The following KPNA2 variants were observed in gnomAD, a reference collection of about 807,000 sequenced individuals.
KPNA2 encodes the protein karyopherin subunit alpha 2, also known as importin subunit alpha-1.
A neutral mutation model predicts 53.7 loss-of-function variants in KPNA2; 20 were observed. The ratio of observed to expected loss-of-function variants is 0.37; its 90% confidence interval spans 0.26 to 0.54. The LOEUF is 0.54. KPNA2 is among the 20% of genes least tolerant of loss of function. The pLI is 0.83. For synonymous variants in KPNA2, 238 were observed against 227.5 expected, an observed-to-expected ratio of 1.05 and a Z score of -0.42; for missense variants, 515 against 640.3, an observed-to-expected ratio of 0.80 and a Z score of 2.11.
At chr17:68,041,598 C>G (rs1447040841) in intron 4 of KPNA2, among the ~76,000 whole-genome samples, 2 of 152,122 alleles carry the variant, frequency 1.3e-5, no homozygotes, top group Non-Finnish European at 2.9e-5. Flanking sequence ...TGGCGGTGCA[C>G]ACTTGTCGTC....
Position 68,043,008 on chromosome 17 carries a change from C to T in KPNA2, c.666+9C>T. On this transcript the variant is annotated intron_variant, in intron 6 of 10. Transcript: ENST00000330459. The stretch of plus-strand genomic sequence containing the variant: ...ATATGTCATCTTTAGCAGTAAGTTA[C>T]TAACATGAGTAAAGTTACTCACTTC... 6.2e-7 allele frequency: 1 copy of T among 1,610,842 alleles called. No individual in the cohort carries two copies. Among genetic ancestry groups the T allele is most frequent in the Non-Finnish European group, 8.5e-7 (1 of 1,177,226 alleles).
rs1555704474 is a variant in KPNA2 at position 68,040,786 on chromosome 17, G to A, written c.302+20G>A. 3 of 1,457,646 alleles carry A rather than the reference G, an allele frequency of 2.1e-6. No individual in the cohort carries two copies. Among genetic ancestry groups the A allele is most frequent in the South Asian group, 2.3e-5 (2 of 88,092 alleles). 90.3% of individuals were successfully genotyped at this position (1,457,646 alleles called of 1,614,324 possible). The stretch of plus-strand genomic sequence containing the variant: ...TGCCAGGTAAGTCTTGTCTGCGATA[G>A]CATGGGTAGCCTAAGAAATTTGTGT... On this transcript the variant is annotated intron_variant, in intron 4 of 10. Coordinates refer to ENST00000330459, the MANE Select transcript of KPNA2 (RefSeq NM_002266.4).
intron 4 of KPNA2, among the ~76,000 whole-genome samples, chr17:68,041,256 T>C (rs1555704538): frequency 6.6e-6 from 1 of 152,232 alleles, no homozygotes; most frequent in East Asian, 1.9e-4. Context: ...AAAATTTCAA[T>C]GGTAAATTAT....
intron 3 of KPNA2, among the ~76,000 whole-genome samples, chr17:68,038,048 C>T (rs1328043839): frequency 2.6e-5 from 4 of 152,192 alleles, no homozygotes; most frequent in African/African-American, 9.7e-5. Flanking sequence ...GCGATCTCCG[C>T]TCACTGCAAG....
rs554471695 is a variant in KPNA2 at position 68,045,090 on chromosome 17, TAAAA to T, written c.1347+603_1347+606del. Among the ~76,000 whole-genome samples, 1,246 of 130,390 alleles carry T rather than the reference TAAAA, an allele frequency of 9.6e-3. 15 individuals carry two copies. Among genetic ancestry groups the T allele is most frequent in the African/African-American group, 0.034 (1,183 of 35,032 alleles). 85.5% of individuals were successfully genotyped at this position (130,390 alleles called of 152,430 possible). ...AGCTTGGGCAAGAGTGAAACTGTCTTAAAAAAAAAAAAAAAAAAAGTTGAGCCTT... is the reference window on the plus strand; with the variant it reads ...AGCTTGGGCAAGAGTGAAACTGTCTTAAAAAAAAAAAAAAAGTTGAGCCTT... On this transcript the variant is annotated intron_variant, in intron 9 of 10. Transcript: ENST00000330459.
rs554471695 is a variant in KPNA2 at position 68,045,090 on chromosome 17, T to TAA, written c.1347+605_1347+606dup. On this transcript the variant is annotated intron_variant, in intron 9 of 10. Coordinates refer to ENST00000330459, the MANE Select transcript of KPNA2 (RefSeq NM_002266.4). ...AGCTTGGGCAAGAGTGAAACTGTCTTAAAAAAAAAAAAAAAAAAAGTTGAG... is the reference window on the plus strand; with the variant it reads ...AGCTTGGGCAAGAGTGAAACTGTCTTAAAAAAAAAAAAAAAAAAAAAGTTGAG... Among the ~76,000 whole-genome samples the TAA allele has an allele frequency of 9.8e-4, 128 of 130,372 alleles. 1 individual carries two copies. Among genetic ancestry groups the TAA allele is most frequent in the South Asian group, 3.0e-3 (12 of 3,974 alleles). The allele number at this position is 130,372 out of a possible 152,430, so 85.5% of individuals were successfully genotyped here.
In KPNA2 at chr17:68,037,198, A is replaced by C; in HGVS notation, c.66A>C (p.Lys22Asn). 6.2e-7 allele frequency: 1 copy of C among 1,612,502 alleles called. No individual in the cohort carries two copies. The highest frequency in any genetic ancestry group is 8.5e-7 in the Non-Finnish European group (1 of 1,179,010). ...TTCACAGATTCAAGAACAAGGGAAA[A>C]GACAGTACAGTGAGTACCTTCTGTT... ...ARLHRFKNKG[K>N]DSTEMRRRRI... The change falls in exon 2 of 11, where the codon AAA becomes AAC. Residue 22 changes from lysine (K) to asparagine (N), a missense_variant. Transcript: ENST00000330459.
At chr17:68,039,808 C>G (rs1044656026) in intron 3 of KPNA2, among the ~76,000 whole-genome samples, 2 of 148,344 alleles carry the variant, frequency 1.3e-5, no homozygotes, top group Non-Finnish European at 3.0e-5. Flanking sequence ...CATGGTAGCT[C>G]ATGCCTGTAA....
intron 4 of KPNA2, among the ~76,000 whole-genome samples, chr17:68,040,977 A>G (rs1424784262): frequency 3.3e-5 from 5 of 152,334 alleles, no homozygotes; most frequent in Middle Eastern, 3.4e-3. Context: ...CCTGGGTTCA[A>G]GCAGTCCTCT....
intron 7 of KPNA2, among the ~76,000 whole-genome samples, 198 bp from the exon 8 acceptor site, chr17:68,043,640 A>G (rs1203639625): frequency 5.3e-5 from 8 of 151,384 alleles, no homozygotes; most frequent in African/African-American, 1.7e-4. Flanking sequence ...TGGGAGGCAG[A>G]GGCTGCAGTG....
intron 7 of KPNA2, 48 bp from the exon 8 acceptor site, chr17:68,043,790 A>G (rs781957365): frequency 8.3e-7 from 1 of 1,205,408 alleles, no homozygotes; most frequent in Non-Finnish European, 1.2e-6. Context: ...GAATTTCTAA[A>G]GTGCTGGGGA....
Position 68,046,528 on chromosome 17 carries a change from C to A in KPNA2, c.1522C>A (p.Pro508Thr). The A allele has an allele frequency of 6.2e-7, 1 of 1,609,770 alleles. No individual in the cohort carries two copies. Among genetic ancestry groups the A allele is most frequent in the East Asian group, 2.2e-5 (1 of 44,808 alleles). The change falls in exon 11 of 11, where the codon CCA becomes ACA. Residue 508 changes from proline to threonine, a missense_variant. By Grantham distance (38) the Pro-to-Thr change is conservative (BLOSUM62 -1). Coordinates refer to ENST00000330459, the MANE Select transcript of KPNA2 (RefSeq NM_002266.4). The stretch of plus-strand genomic sequence containing the variant: ...GGAAGAGGAAGATCAAAACGTTGTA[C>A]CAGAAACTACCTCTGAAGGCTACAC... ...VEEEEDQNVV[P>T]ETTSEGYTFQ...
At chr17:68,040,370 C>T (rs1555704363) in intron 3 of KPNA2, among the ~76,000 whole-genome samples, 2 of 150,874 alleles carry the variant, frequency 1.3e-5, no homozygotes, top group African/African-American at 4.9e-5. Context: ...GCTAGGCTTA[C>T]AGGTGTGAGC....
intron 1 of KPNA2, chr17:68,036,674 TAAGCTTA>T (rs1432186276): frequency 1.7e-5 from 3 of 173,778 alleles, no homozygotes; most frequent in African/African-American, 7.2e-5. Flanking sequence ...AAATACGCTG[TAAGCTTA>T]AAGTACACAA....
At chr17:68,035,957 C>G (rs996925384) in intron 1 of KPNA2, 117 bp downstream of exon 1, 1 of 152,226 alleles carries the variant, frequency 6.6e-6, no homozygotes, top group Non-Finnish European at 1.5e-5. Flanking sequence ...CTCTGCCTCC[C>G]GCGTTGACTA....
In KPNA2 at chr17:68,046,519, A is replaced by G; in HGVS notation, c.1513A>G (p.Asn505Asp). ...YFSVEEEEDQ[N>D]VVPETTSEGY... Reference sequence around the variant, plus strand: ...ATATTTCCAGGAAGAGGAAGATCAAAACGTTGTACCAGAAACTACCTCTGA... The same window carrying G: ...ATATTTCCAGGAAGAGGAAGATCAAGACGTTGTACCAGAAACTACCTCTGA... The change falls in exon 11 of 11, where the codon AAC (asparagine) becomes GAC (aspartate). Residue 505 changes from asparagine to aspartate, a missense_variant. Transcript: ENST00000330459. The G allele has an allele frequency of 1.2e-6, 2 of 1,606,676 alleles. No individual in the cohort carries two copies.
At chr17:68,036,121 G>C (rs1555703693) in intron 1 of KPNA2, 3 of 152,306 alleles carry the variant, frequency 2.0e-5, no homozygotes, top group Non-Finnish European at 4.4e-5. Context: ...TGTCCCGGGA[G>C]GACTTGTGGC....
At chr17:68,042,591 A>G (rs1341731346) in intron 5 of KPNA2, among the ~76,000 whole-genome samples, 3 of 152,172 alleles carry the variant, frequency 2.0e-5, no homozygotes, top group Non-Finnish European at 4.4e-5. Flanking sequence ...AATAAAATTA[A>G]TCTTGCCTCG....
In KPNA2 at chr17:68,040,576, A is replaced by G. The variant is rs146672797; in HGVS notation, c.214-102A>G. ...AGGGCTAAATATTTAGTAGCTGGCT[A>G]TAAGCCTAACGATGTTTACACTTGC... On this transcript the variant is annotated intron_variant, in intron 3 of 10. Coordinates refer to ENST00000330459, the MANE Select transcript of KPNA2 (RefSeq NM_002266.4). The G allele has an allele frequency of 3.7e-3, 2,735 of 740,330 alleles. 59 individuals are homozygous for G. In the African/African-American group the frequency reaches 0.043, roughly 12 times the overall value. The allele number at this position is 740,330 out of a possible 1,614,324, so 45.9% of individuals were successfully genotyped here.
Sources: allele counts gnomAD v4.1 joint callset (sites outside exome capture counted in the v4.1 genomes callset), GRCh38; gene constraint gnomAD v4.1.1; transcripts MANE v1.5; gene names NCBI Gene and HGNC (gene_info 2026-07-23, HGNC 2026-07-21).